The following RAPGEF2 variants were observed in gnomAD, a reference collection of about 807,000 sequenced individuals.
The protein encoded by RAPGEF2 is PDZ domain containing guanine nucleotide exchange factor (GEF) 1.
A neutral mutation model predicts 186.7 loss-of-function variants in RAPGEF2; 54 were observed. The observed-to-expected ratio is 0.29, with a 90% CI of 0.23 to 0.36. RAPGEF2 has a LOEUF of 0.36. RAPGEF2 is among the 10% of genes least tolerant of loss of function. The probability of loss-of-function intolerance (pLI) is 1.00; values close to 1 mark genes in which losing one functional copy is unlikely to be tolerated. For missense variants in RAPGEF2, 1,532 were observed against 2,045.0 expected (o/e 0.75, Z 4.84); for synonymous variants, 712 against 705.9 (o/e 1.01, Z -0.14).
chr4:159,333,230 G>A (rs1054465175), intron 17 of RAPGEF2, among the ~76,000 whole-genome samples: 3 of 151,904 alleles, frequency 2.0e-5, no homozygotes, highest in African/African-American at 4.8e-5. Context: ...CACCCGCCTC[G>A]GCCTCCCAAA....
chr4:159,201,504 A>G (rs1749409638), intron 3 of RAPGEF2, among the ~76,000 whole-genome samples: 1 of 152,214 alleles, frequency 6.6e-6, no homozygotes, highest in Non-Finnish European at 1.5e-5. Context: ...CTATAAAAGG[A>G]TAGAGGATAA....
chr4:159,136,651 G>A (rs1741755546), intron 1 of RAPGEF2, among the ~76,000 whole-genome samples: 1 of 152,128 alleles, frequency 6.6e-6, no homozygotes, highest in African/African-American at 2.4e-5. Flanking sequence ...CATGCTAGAA[G>A]TGTTTAATGT....
intron 18 of RAPGEF2, 133 bp from the exon 19 acceptor site, chr4:159,338,980 GA>G (rs1767857445): frequency 9.6e-7 from 1 of 1,039,344 alleles, no homozygotes; most frequent in South Asian, 1.6e-5. Flanking sequence ...CTTTGAGGAA[GA>G]CCTAGAGTAA....
rs1765337394 is a variant in RAPGEF2 at position 159,322,333 on chromosome 4, C to A, written c.854-14C>A. On this transcript the variant is annotated splice_polypyrimidine_tract_variant and intron_variant, in intron 9 of 29. Coordinates refer to ENST00000691494, the MANE Select transcript of RAPGEF2 (RefSeq NM_001394067.2). ...AAGTAGTAGTTTTTACAAAGTATGT[C>A]TTTTGCTTTTCAGAACAACTCTTGG... is the stretch of plus-strand genomic sequence containing the variant. 1.2e-6 allele frequency: 2 copies of A among 1,611,788 alleles called. No individual in the cohort carries two copies. The highest frequency in any genetic ancestry group is 2.2e-5 in the South Asian group (2 of 90,864).
At position 159,311,207 on chromosome 4, in the gene RAPGEF2, A is replaced by G. The variant is rs140505511; in HGVS notation, c.676-3384A>G. Reference sequence around the variant, plus strand: ...TATGAAGATTATTATGTTTTAAAACATCAACTTTAGTGCTAGACACATATG... The same window carrying G: ...TATGAAGATTATTATGTTTTAAAACGTCAACTTTAGTGCTAGACACATATG... On this transcript the variant is annotated intron_variant, in intron 8 of 29. Coordinates refer to ENST00000691494, the MANE Select transcript of RAPGEF2 (RefSeq NM_001394067.2). 3.9e-4 allele frequency among the ~76,000 whole-genome samples: 60 copies of G among 152,282 alleles called. 1 individual carries two copies. In the East Asian group the frequency reaches 5.2e-3, roughly 13 times the overall value.
At chr4:159,193,090 A>G (rs1748283106) in intron 2 of RAPGEF2, 110 bp from the exon 3 acceptor site, 1 of 476,514 alleles carries the variant, frequency 2.1e-6, no homozygotes, top group Admixed American at 4.4e-5. Context: ...ATTGTGACAA[A>G]CCATATAAAA....
intron 1 of RAPGEF2, among the ~76,000 whole-genome samples, chr4:159,109,804 G>T (rs1738294528): frequency 6.6e-6 from 1 of 152,208 alleles, no homozygotes; most frequent in Admixed American, 6.5e-5. Flanking sequence ...ACTGTCATAT[G>T]AGTAGCACAC....
At chr4:159,302,337 A>G (rs1289139686) in intron 7 of RAPGEF2, among the ~76,000 whole-genome samples, 3 of 89,876 alleles carry the variant, frequency 3.3e-5, no homozygotes, top group Non-Finnish European at 7.0e-5. Context: ...TTGACACGTT[A>G]ATTTTTTTAA....
intron 1 of RAPGEF2, among the ~76,000 whole-genome samples, chr4:159,143,612 C>CTT (rs201171591): frequency 6.6e-6 from 1 of 151,130 alleles, no homozygotes; most frequent in African/African-American, 2.4e-5. Flanking sequence ...GTAATTTTTT[C>CTT]TTTTTTTTTA....
intron 11 of RAPGEF2, chr4:159,328,998 T>C (rs1766307594): frequency 6.6e-6 from 1 of 152,172 alleles, no homozygotes; most frequent in South Asian, 2.1e-4. Context: ...ATTTACAATA[T>C]AATTTAACCA....
At chr4:159,118,745 C>T (rs1267210406) in intron 1 of RAPGEF2, among the ~76,000 whole-genome samples, 2 of 151,368 alleles carry the variant, frequency 1.3e-5, no homozygotes, top group Non-Finnish European at 2.9e-5. Context: ...GCCTCCTTGC[C>T]TGCAAATTTT....
intron 7 of RAPGEF2, among the ~76,000 whole-genome samples, chr4:159,244,254 C>T (rs1189364825): frequency 6.6e-6 from 1 of 151,708 alleles, no homozygotes; most frequent in Non-Finnish European, 1.5e-5. Flanking sequence ...TGGGAGGCCA[C>T]TGGTAAAATT....
chr4:159,169,102 A>G (rs1745631531), intron 1 of RAPGEF2, among the ~76,000 whole-genome samples: 1 of 152,214 alleles, frequency 6.6e-6, no homozygotes, highest in Non-Finnish European at 1.5e-5. Context: ...CTTTGCACAG[A>G]GCAAGTATTC....
At chr4:159,145,446 T>C (rs1301226963) in intron 1 of RAPGEF2, among the ~76,000 whole-genome samples, 1 of 152,072 alleles carries the variant, frequency 6.6e-6, no homozygotes, top group Non-Finnish European at 1.5e-5. Flanking sequence ...GTGATCTATA[T>C]AACAGCGTAT....
intron 10 of RAPGEF2, among the ~76,000 whole-genome samples, chr4:159,322,751 G>A (rs1370105100): frequency 1.3e-5 from 2 of 152,136 alleles, no homozygotes; most frequent in Admixed American, 6.5e-5. Flanking sequence ...ATCATGGCAG[G>A]CGGTGAAAGG....
At chr4:159,284,596 C>T (rs1760203131) in intron 7 of RAPGEF2, among the ~76,000 whole-genome samples, 1 of 151,928 alleles carries the variant, frequency 6.6e-6, no homozygotes, top group Non-Finnish European at 1.5e-5. Context: ...CTCTGGATTT[C>T]ATTCCAATAG....
intron 1 of RAPGEF2, among the ~76,000 whole-genome samples, chr4:159,157,659 C>T: frequency 1.3e-5 from 2 of 152,182 alleles, no homozygotes. Flanking sequence ...GAATTCTTCA[C>T]CAAGTCCGTT....
intron 25 of RAPGEF2, among the ~76,000 whole-genome samples, chr4:159,348,948 C>A (rs1730790285): frequency 6.6e-6 from 1 of 152,190 alleles, no homozygotes. Flanking sequence ...TATATACTTT[C>A]TACATCTTTA....
chr4:159,331,354 G>A, intron 13 of RAPGEF2, 77 bp from the exon 14 acceptor site: 1 of 778,248 alleles, frequency 1.3e-6, no homozygotes, highest in Non-Finnish European at 2.1e-6. Context: ...TTGAAAGTTG[G>A]ATATCTTTTC....
Sources: allele counts gnomAD v4.1 joint callset (sites outside exome capture counted in the v4.1 genomes callset), GRCh38; gene constraint gnomAD v4.1.1; transcripts MANE v1.5; gene names NCBI Gene and HGNC (gene_info 2026-07-23, HGNC 2026-07-21).